The following NMNAT3 variants were observed in gnomAD, a reference collection of about 807,000 sequenced individuals.
NMNAT3 encodes nicotinamide/nicotinic acid mononucleotide adenylyltransferase 3.
In NMNAT3, 21 loss-of-function variants were observed where a neutral mutation model predicts 24.8. That is an observed-to-expected ratio of 0.85 (90% CI 0.60 to 1.22). The LOEUF (loss-of-function observed/expected upper bound fraction) is 1.22. Among genes scored for constraint, NMNAT3 ranks in the 50% most tolerant of loss-of-function variants. The pLI is 0.00. For missense variants in NMNAT3, 387 were observed against 436.6 expected, an observed-to-expected ratio of 0.89 and a Z score of 1.01; for synonymous variants, 136 against 155.2, an observed-to-expected ratio of 0.88 and a Z score of 0.92.
At chr3:139,609,131 G>A (rs147950244) in intron 3 of NMNAT3, among the ~76,000 whole-genome samples, 76 of 152,198 alleles carry the variant, frequency 5.0e-4, no homozygotes, top group African/African-American at 1.8e-3. Flanking sequence ...TTAATTATTC[G>A]CCCCTTGAAG....
intron 1 of NMNAT3, among the ~76,000 whole-genome samples, chr3:139,643,393 C>T (rs1215386235): frequency 1.3e-5 from 2 of 152,270 alleles, no homozygotes; most frequent in South Asian, 2.1e-4. Flanking sequence ...AACAGTGATA[C>T]AAACAGATAT....
At chr3:139,665,042 C>G (rs376512080) in intron 1 of NMNAT3, among the ~76,000 whole-genome samples, 10 of 152,196 alleles carry the variant, frequency 6.6e-5, no homozygotes. Flanking sequence ...GTGATGACCA[C>G]TACCCACACC....
intron 3 of NMNAT3, among the ~76,000 whole-genome samples, chr3:139,620,948 A>C (rs1167887875): frequency 6.6e-6 from 1 of 152,156 alleles, no homozygotes; most frequent in Non-Finnish European, 1.5e-5. Context: ...CATGTACTGC[A>C]ATGCTTGGCT....
intron 6 of NMNAT3, chr3:139,569,541 G>A (rs1390947758): frequency 1.3e-5 from 2 of 152,130 alleles, no homozygotes; most frequent in African/African-American, 4.8e-5. Flanking sequence ...AGGCCTGGTG[G>A]TGACAAAATC....
chr3:139,638,650 G>T (rs1442133061), intron 1 of NMNAT3, among the ~76,000 whole-genome samples: 1 of 152,124 alleles, frequency 6.6e-6, no homozygotes, highest in Non-Finnish European at 1.5e-5. Flanking sequence ...AAACTCCATA[G>T]TCCCTGCCTT....
chr3:139,670,163 T>C (rs955282205), intron 1 of NMNAT3, among the ~76,000 whole-genome samples: 5 of 152,232 alleles, frequency 3.3e-5, no homozygotes, highest in Admixed American at 1.3e-4. Context: ...CTTGGTTATC[T>C]TCAGTTTAGT....
chr3:139,636,439 T>C (rs1459221373), intron 2 of NMNAT3: 1 of 152,182 alleles, frequency 6.6e-6, no homozygotes, highest in East Asian at 1.9e-4. Flanking sequence ...CAGCGAATCT[T>C]TTCTGTAGAT....
intron 3 of NMNAT3, among the ~76,000 whole-genome samples, chr3:139,595,950 AAT>A (rs1393837966): frequency 3.9e-5 from 6 of 152,248 alleles, no homozygotes; most frequent in Non-Finnish European, 8.8e-5. Flanking sequence ...CAAAAGCCAA[AAT>A]TGACAAATGG....
intron 1 of NMNAT3, among the ~76,000 whole-genome samples, chr3:139,641,088 C>T (rs986626988): frequency 6.6e-6 from 1 of 152,180 alleles, no homozygotes; most frequent in African/African-American, 2.4e-5. Context: ...GCACTTATTG[C>T]TTCAGAATCC....
chr3:139,658,016 A>C (rs978207909), intron 1 of NMNAT3, among the ~76,000 whole-genome samples: 12 of 152,130 alleles, frequency 7.9e-5, no homozygotes, highest in East Asian at 7.8e-4. Flanking sequence ...CAGGAACCCC[A>C]ACACACTCTA....
chr3:139,566,794 C>T (rs1178188129), intron 6 of NMNAT3: 1 of 152,184 alleles, frequency 6.6e-6, no homozygotes, highest in Non-Finnish European at 1.5e-5. Context: ...AGTCAGGTAG[C>T]ATGATGCCTC....
At chr3:139,573,853 G>T (rs1005845013) in intron 5 of NMNAT3, among the ~76,000 whole-genome samples, 173 bp from the exon 6 acceptor site, 2 of 152,210 alleles carry the variant, frequency 1.3e-5, no homozygotes, top group African/African-American at 2.4e-5. Context: ...GGGACAGAAA[G>T]CCATGTGGGT....
chr3:139,674,401 C>T (rs960421523), intron 1 of NMNAT3, among the ~76,000 whole-genome samples: 3 of 152,112 alleles, frequency 2.0e-5, no homozygotes, highest in African/African-American at 7.2e-5. Context: ...GAGCTGCCAT[C>T]CTGAGGCCTG....
intron 1 of NMNAT3, among the ~76,000 whole-genome samples, chr3:139,666,950 A>C (rs2057602801): frequency 6.6e-6 from 1 of 152,224 alleles, no homozygotes; most frequent in Non-Finnish European, 1.5e-5. Flanking sequence ...ATGTATCATT[A>C]TGTATATAAT....
At chr3:139,576,664 A>G (rs1361778942) in intron 5 of NMNAT3, among the ~76,000 whole-genome samples, 1 of 152,172 alleles carries the variant, frequency 6.6e-6, no homozygotes, top group East Asian at 1.9e-4. Context: ...TGATGCCCCA[A>G]CCCAGACCAA....
rs544215484 is a variant in NMNAT3, at chr3:139,584,649, A to T, written c.110-1441T>A. On this transcript the variant is annotated intron_variant, in intron 3 of 6. Coordinates refer to ENST00000643695, the MANE Select transcript of NMNAT3 (RefSeq NM_001320510.2). ...GATTTTTGGTTATCTTTTGTTATTG[A>T]TTTCTAGCTTAGTTGCACTGCAGTC... 2.6e-5 allele frequency among the ~76,000 whole-genome samples: 4 copies of T among 152,256 alleles called. No homozygotes were observed. The East Asian group carries it at 7.7e-4, about 29-fold the overall frequency.
At chr3:139,607,417 C>T (rs913738019) in intron 3 of NMNAT3, among the ~76,000 whole-genome samples, 2 of 152,178 alleles carry the variant, frequency 1.3e-5, no homozygotes, top group African/African-American at 4.8e-5. Flanking sequence ...TTCAAAATTG[C>T]TCATCCACAC....
At chr3:139,611,457 G>C (rs2055211342) in intron 3 of NMNAT3, among the ~76,000 whole-genome samples, 1 of 152,264 alleles carries the variant, frequency 6.6e-6, no homozygotes, top group Non-Finnish European at 1.5e-5. Context: ...TAGAGAGATG[G>C]GGTAAATTGT....
At chr3:139,635,768 C>A (rs992627076) in intron 2 of NMNAT3, 8 of 152,262 alleles carry the variant, frequency 5.3e-5, no homozygotes, top group African/African-American at 1.9e-4. Context: ...ATTCTCCCAT[C>A]CTCTTTAGTC....
Sources: gnomAD v4.1 joint callset for allele counts (sites outside exome capture counted in the v4.1 genomes callset) on GRCh38, gnomAD v4.1.1 for gene constraint, MANE v1.5 for transcripts, NCBI Gene and HGNC (gene_info 2026-07-23, HGNC 2026-07-21) for gene names.